CIRSR: variants seen among roughly 807,000 people sequenced by gnomAD.
The protein encoded by CIRSR is corepressor of RBPJ and splicing regulator.
chr2:174,353,161 A>C, the CIRSR span, among the ~76,000 whole-genome samples: 1 of 152,190 alleles, frequency 6.6e-6, no homozygotes, highest in African/African-American at 2.4e-5. Flanking sequence ...ATGATGGGGA[A>C]AAACTGTCTA....
chr2:174,369,169 T>C, the CIRSR span, among the ~76,000 whole-genome samples: 222 of 152,236 alleles, frequency 1.5e-3, 1 homozygote, highest in Non-Finnish European at 2.6e-4. Context: ...CTATATTTTC[T>C]GGAGAACTTG....
the CIRSR span, chr2:174,378,884 G>A: frequency 6.5e-6 from 9 of 1,388,662 alleles, no homozygotes; most frequent in South Asian, 9.2e-5. Flanking sequence ...ATCTTTCCTT[G>A]TTTGTCCTCT....
the CIRSR span, among the ~76,000 whole-genome samples, chr2:174,366,679 A>T: frequency 6.6e-6 from 1 of 152,358 alleles, no homozygotes; most frequent in African/African-American, 2.4e-5. Context: ...TAACTGATCT[A>T]AAAGACAGGT....
the CIRSR span, among the ~76,000 whole-genome samples, chr2:174,351,000 C>A: frequency 6.6e-6 from 1 of 152,154 alleles, no homozygotes; most frequent in Non-Finnish European, 1.5e-5. Context: ...GGATGATAGA[C>A]ACACACAGAT....
At chr2:174,393,184 T>C in the CIRSR span, among the ~76,000 whole-genome samples, 1 of 152,210 alleles carries the variant, frequency 6.6e-6, no homozygotes, top group South Asian at 2.1e-4. Context: ...AGCCAGTTTA[T>C]GAACTGTTTG....
chr2:174,369,062 A>C, the CIRSR span, among the ~76,000 whole-genome samples: 8 of 152,208 alleles, frequency 5.3e-5, no homozygotes, highest in African/African-American at 1.7e-4. Context: ...TCTGCTAGCT[A>C]TGAAAGTCGT....
chr2:174,358,156 T>C, the CIRSR span: 1 of 152,240 alleles, frequency 6.6e-6, no homozygotes, highest in Non-Finnish European at 1.5e-5. Flanking sequence ...CAAAGAAATA[T>C]GAAACTGTCC....
At chr2:174,380,619 A>T in the CIRSR span, 1 of 1,581,014 alleles carries the variant, frequency 6.3e-7, no homozygotes, top group Non-Finnish European at 8.7e-7. Flanking sequence ...TTAATGATAC[A>T]TATCTTGTCT....
the CIRSR span, chr2:174,350,896 A>C: frequency 1.7e-6 from 1 of 592,704 alleles, no homozygotes; most frequent in Non-Finnish European, 2.8e-6. Flanking sequence ...AGAATTAAAA[A>C]ATTTTTTTGT....
the CIRSR span, chr2:174,381,652 G>A: frequency 1.4e-6 from 2 of 1,387,086 alleles, no homozygotes; most frequent in South Asian, 1.3e-5. Flanking sequence ...GCAAGACTGT[G>A]CCTCAGAAAA....
chr2:174,394,937 T>G, the CIRSR span, among the ~76,000 whole-genome samples: 1 of 152,222 alleles, frequency 6.6e-6, no homozygotes, highest in African/African-American at 2.4e-5. Flanking sequence ...GGGTCAGATA[T>G]TACAAATATT....
At chr2:174,384,450 T>A in the CIRSR span, among the ~76,000 whole-genome samples, 1 of 152,206 alleles carries the variant, frequency 6.6e-6, no homozygotes, top group Non-Finnish European at 1.5e-5. Flanking sequence ...TTGGAAATGA[T>A]GATGGTTCAC....
At chr2:174,377,353 G>A in the CIRSR span, among the ~76,000 whole-genome samples, 29 of 152,240 alleles carry the variant, frequency 1.9e-4, no homozygotes, top group East Asian at 3.9e-3. Context: ...AGTTAGCTGG[G>A]GGCAAGGGAG....
At chr2:174,351,763 A>G in the CIRSR span, 1 of 1,552,854 alleles carries the variant, frequency 6.4e-7, no homozygotes, top group Non-Finnish European at 8.8e-7. Context: ...TATCATTTAT[A>G]TCTCTCTACC....
At chr2:174,350,976 CT>C in the CIRSR span, among the ~76,000 whole-genome samples, 1 of 152,272 alleles carries the variant, frequency 6.6e-6, no homozygotes, top group Non-Finnish European at 1.5e-5. Flanking sequence ...CATTAGGAAA[CT>C]TTTCCAGGAA....
the CIRSR span, among the ~76,000 whole-genome samples, chr2:174,370,959 T>C: frequency 6.6e-6 from 1 of 151,288 alleles, no homozygotes; most frequent in Non-Finnish European, 1.5e-5. Context: ...TGGATGAATG[T>C]GGGGCAGGTA....
the CIRSR span, chr2:174,381,628 G>T: frequency 1.7e-6 from 2 of 1,147,798 alleles, no homozygotes; most frequent in Non-Finnish European, 2.5e-6. Context: ...CTGCACTCCA[G>T]CCTGGACGAC....
chr2:174,368,515 T>C, the CIRSR span, among the ~76,000 whole-genome samples: 1 of 152,128 alleles, frequency 6.6e-6, no homozygotes, highest in Non-Finnish European at 1.5e-5. Flanking sequence ...TTAAAAAATA[T>C]ATATTTTGAA....
chr2:174,351,653 AGT>A, the CIRSR span: 1 of 1,613,970 alleles, frequency 6.2e-7, no homozygotes, highest in Non-Finnish European at 8.5e-7. Context: ...GTTTCTCCCC[AGT>A]ACATTTCGTT....
Sources: gnomAD v4.1 joint callset for allele counts (sites outside exome capture counted in the v4.1 genomes callset) on GRCh38, gnomAD v4.1.1 for gene constraint, MANE v1.5 for transcripts, NCBI Gene and HGNC (gene_info 2026-07-23, HGNC 2026-07-21) for gene names.